PRDM7: variants seen among roughly 807,000 people sequenced by gnomAD.
The protein encoded by PRDM7 is PR/SET domain 7, also known as histone-lysine N-methyltransferase PRDM7.
Under a neutral mutation model 64.3 loss-of-function variants are expected in PRDM7, and 52 were observed. That is an observed-to-expected ratio of 0.81 (90% CI 0.65 to 1.02). The LOEUF (loss-of-function observed/expected upper bound fraction) is 1.02, where lower values mean the gene tolerates loss of function less well. Among genes scored for constraint, PRDM7 ranks in the 50% least tolerant of loss-of-function variants. PRDM7 has a pLI of 0.00. For synonymous variants in PRDM7, 192 were observed against 210.1 expected (o/e 0.91, Z 0.74); for missense variants, 574 against 597.1 (o/e 0.96, Z 0.40).
rs774251569 is a variant in PRDM7 at position 90,060,322 on chromosome 16, G to A, written c.1233+19C>T. The A allele has an allele frequency of 7.4e-6, 12 of 1,613,866 alleles. No individual in the cohort carries two copies. The highest frequency in any genetic ancestry group is 9.3e-6 in the Non-Finnish European group (11 of 1,179,806). On this transcript the variant is annotated intron_variant, in intron 10 of 10. Transcript: ENST00000449207. ...TTCTTTCTTTCCTGTCCTTTTAAAAGAGTAATAGTGATGCCTACCTCTCCC... is the reference window on the plus strand; with the variant it reads ...TTCTTTCTTTCCTGTCCTTTTAAAAAAGTAATAGTGATGCCTACCTCTCCC...
Position 90,075,343 on chromosome 16 carries a change from C to A in PRDM7, c.193+8G>T. 6.2e-7 allele frequency: 1 copy of A among 1,614,226 alleles called. No individual in the cohort carries two copies. Among genetic ancestry groups the A allele is most frequent in the East Asian group, 2.2e-5 (1 of 44,890 alleles). On this transcript the variant is annotated splice_region_variant and intron_variant, in intron 3 of 10. Transcript: ENST00000449207. The surrounding 1 kb of genome is among the most constrained non-coding windows in gnomAD (Gnocchi z 4.3). ...CCAGGCTGGTCTGTGCCCAGCACTTCCTGTTACCTACAGTAATCAGTGCAT... is the reference window on the plus strand; with the variant it reads ...CCAGGCTGGTCTGTGCCCAGCACTTACTGTTACCTACAGTAATCAGTGCAT...
intron 10 of PRDM7, among the ~76,000 whole-genome samples, chr16:90,059,997 A>G (rs1310631721): frequency 6.6e-6 from 1 of 152,254 alleles, no homozygotes; most frequent in Non-Finnish European, 1.5e-5. Context: ...TATGCGTATC[A>G]TTAAGAAATA....
chr16:90,061,094 G>C (rs143336247), intron 9 of PRDM7, among the ~76,000 whole-genome samples: 1 of 152,094 alleles, frequency 6.6e-6, no homozygotes, highest in East Asian at 1.9e-4. Context: ...AAAGGGGCTG[G>C]GTCATCCTGC....
At chr16:90,068,649 A>AAAAAAAG (rs1567878769) in intron 4 of PRDM7, among the ~76,000 whole-genome samples, 3 of 148,470 alleles carry the variant, frequency 2.0e-5, no homozygotes, top group African/African-American at 2.5e-5. Context: ...AAAAAAAAAA[A>AAAAAAAG]AAAGAAGTAA....
chr16:90,074,777 G>C, intron 4 of PRDM7, 139 bp downstream of exon 4: 1 of 793,850 alleles, frequency 1.3e-6, no homozygotes, highest in Admixed American at 2.6e-5. Context: ...TATTTGGGAG[G>C]CTGAGGCAGG....
chr16:90,060,376 C>T lies in PRDM7; in HGVS notation c.1198G>A (p.Ala400Thr). ...CATGAGCTCTTTCTTCCACTTGCTGCCCCACTTGATGCCCAGTTCCTGGCC... is the reference window on the plus strand; with the variant it reads ...CATGAGCTCTTTCTTCCACTTGCTGTCCCACTTGATGCCCAGTTCCTGGCC... ...SMARNWASSG[A>T]ASGRKSSWQG... is the part of the protein sequence containing the mutation. The change falls in exon 10 of 11, where the codon GCA becomes ACA. Residue 400 changes from alanine (A) to threonine (T), a missense_variant. Coordinates refer to ENST00000449207, the MANE Select transcript of PRDM7 (RefSeq NM_001098173.2). 1.9e-6 allele frequency: 3 copies of T among 1,613,982 alleles called. No individual in the cohort carries two copies. Among genetic ancestry groups the T allele is most frequent in the Non-Finnish European group, 2.5e-6 (3 of 1,179,878 alleles).
intron 10 of PRDM7, among the ~76,000 whole-genome samples, chr16:90,059,571 G>A (rs2037735935): frequency 6.6e-6 from 1 of 152,132 alleles, no homozygotes; most frequent in African/African-American, 2.4e-5. Flanking sequence ...TGGAATCCTT[G>A]GCCCACAGGC....
chr16:90,063,743 T>C lies in PRDM7; in HGVS notation c.377A>G (p.Asn126Ser). The part of the protein sequence containing the change: ...QKGMPKASFN[N>S]ESSLRELSGT... ...TGACAATTCTCTCAAACTAGATTCA[T>C]TATTGAATGACGCCTTGGGCATTCC... Residue 126 changes from asparagine to serine, a missense_variant, in exon 6 of 11, where the codon AAT becomes AGT. By Grantham distance (46) the Asn-to-Ser change is conservative. Coordinates refer to ENST00000449207, the MANE Select transcript of PRDM7 (RefSeq NM_001098173.2). 3 of 1,614,242 alleles carry C rather than the reference T, an allele frequency of 1.9e-6. No individual in the cohort carries two copies. Among genetic ancestry groups the C allele is most frequent in the Non-Finnish European group, 2.5e-6 (3 of 1,180,028 alleles).
chr16:90,063,531 C>G (rs1314906639), intron 6 of PRDM7, 81 bp downstream of exon 6: 26 of 1,514,800 alleles, frequency 1.7e-5, no homozygotes, highest in Non-Finnish European at 2.3e-5. Context: ...TATCCAAAGT[C>G]CACCCCACAT....
intron 10 of PRDM7, among the ~76,000 whole-genome samples, chr16:90,059,175 G>A (rs1471443818): frequency 1.3e-5 from 2 of 152,150 alleles, no homozygotes; most frequent in Non-Finnish European, 2.9e-5. Flanking sequence ...ATTCAGGTTG[G>A]CCAACACAGA....
chr16:90,063,676 A>G lies in PRDM7; in HGVS notation c.444T>C (p.Ala148=), dbSNP rs2037821482. The G allele has an allele frequency of 1.2e-6, 2 of 1,614,028 alleles. No homozygotes were observed. The highest frequency in any genetic ancestry group is 1.7e-6 in the Non-Finnish European group (2 of 1,180,034). The change falls in exon 6 of 11, where the codon GCT becomes GCC. Residue 148 remains alanine, a synonymous_variant. Transcript: ENST00000449207. ...CTCCAGGAGGGGACACTGGTTTCTGAGCCTGCTCTGAGTCACTTGTATTCA... is the reference window on the plus strand; with the variant it reads ...CTCCAGGAGGGGACACTGGTTTCTGGGCCTGCTCTGAGTCACTTGTATTCA... ...NLLNTSDSEQ[A]QKPVSPPGEA...
intron 5 of PRDM7, among the ~76,000 whole-genome samples, chr16:90,065,431 GAA>G (rs2037858105): frequency 7.1e-6 from 1 of 140,146 alleles, no homozygotes; most frequent in African/African-American, 2.7e-5. Context: ...GAAAAGAAAA[GAA>G]AAAAATAATT....
chr16:90,065,991 G>A (rs1219643166), intron 5 of PRDM7, among the ~76,000 whole-genome samples: 1 of 151,220 alleles, frequency 6.6e-6, no homozygotes, highest in Non-Finnish European at 1.5e-5. Context: ...TGAAGAGGCA[G>A]CAGGCAGGCT....
intron 10 of PRDM7, among the ~76,000 whole-genome samples, chr16:90,059,741 C>T (rs2037739995): frequency 6.6e-6 from 1 of 152,236 alleles, no homozygotes; most frequent in African/African-American, 2.4e-5. Flanking sequence ...ACACCGATCC[C>T]AGGTCTCACA....
chr16:90,074,863 G>C (rs2038012164), intron 4 of PRDM7, 53 bp downstream of exon 4: 1 of 1,570,756 alleles, frequency 6.4e-7, no homozygotes, highest in African/African-American at 1.4e-5. Context: ...TGGGCAACAA[G>C]AGCGAAACTC....
intron 6 of PRDM7, among the ~76,000 whole-genome samples, chr16:90,063,169 G>C (rs2037810944): frequency 6.6e-6 from 1 of 152,168 alleles, no homozygotes; most frequent in Non-Finnish European, 1.5e-5. Flanking sequence ...TCCAAGGCTA[G>C]GCATGGTGGC....
At chr16:90,062,567 AAAATGTG>A in intron 6 of PRDM7, 65 bp from the exon 7 acceptor site, 3 of 1,338,446 alleles carry the variant, frequency 2.2e-6, no homozygotes, top group Non-Finnish European at 3.2e-6. Context: ...GTTTCATAAG[AAAATGTG>A]AAATCTCCTA....
chr16:90,067,455 G>A (rs2037893587), intron 4 of PRDM7, among the ~76,000 whole-genome samples: 1 of 151,110 alleles, frequency 6.6e-6, no homozygotes, highest in Admixed American at 6.6e-5. Context: ...CAGCCTATCT[G>A]TAAAGGTATA....
chr16:90,061,836 C>A, intron 8 of PRDM7, 85 bp downstream of exon 8: 1 of 1,582,068 alleles, frequency 6.3e-7, no homozygotes, highest in Non-Finnish European at 8.7e-7. Flanking sequence ...CTACCTATAT[C>A]CTAACATGTA....
Sources: allele counts gnomAD v4.1 joint callset (sites outside exome capture counted in the v4.1 genomes callset), GRCh38; gene constraint gnomAD v4.1.1; non-coding constraint Gnocchi (gnomAD v3.1); transcripts MANE v1.5; gene names NCBI Gene and HGNC (gene_info 2026-07-23, HGNC 2026-07-21).